Variants in CSMD2 observed in about 807,000 individuals in gnomAD.
CSMD2 encodes CUB and sushi domain-containing protein 2.
CSMD2 carries 130 observed loss-of-function variants against 398.5 expected under a neutral mutation model. That is an observed-to-expected ratio of 0.33 (90% CI 0.28 to 0.38). The LOEUF (loss-of-function observed/expected upper bound fraction) is 0.38. Ranked by LOEUF, CSMD2 falls within the 10% of genes least tolerant of loss-of-function variation. The pLI is 1.00. For missense variants in CSMD2, 3,829 were observed against 4,764.9 expected (o/e 0.80, Z 5.78); for synonymous variants, 1,828 against 1,908.5 (o/e 0.96, Z 1.10).
At chr1:33,577,196 A>C in intron 49 of CSMD2, 100 bp downstream of exon 49, 1 of 1,116,248 alleles carries the variant, frequency 9.0e-7, no homozygotes, top group Non-Finnish European at 1.3e-6. Flanking sequence ...ATAATTATCA[A>C]AGAGGAAACC....
chr1:33,810,448 G>A (rs1469133206), intron 10 of CSMD2, among the ~76,000 whole-genome samples: 1 of 152,166 alleles, frequency 6.6e-6, no homozygotes, highest in Admixed American at 6.5e-5. Context: ...ACCTCTGAGG[G>A]TGTAGGGAAT....
intron 3 of CSMD2, among the ~76,000 whole-genome samples, chr1:34,016,548 C>T (rs1648143324): frequency 6.6e-6 from 1 of 152,114 alleles, no homozygotes; most frequent in African/African-American, 2.4e-5. Flanking sequence ...GGCGATTCCT[C>T]AAGGATCTAG....
intron 43 of CSMD2, 119 bp downstream of exon 43, chr1:33,602,250 C>A: frequency 9.4e-7 from 1 of 1,060,482 alleles, no homozygotes; most frequent in Non-Finnish European, 1.4e-6. Context: ...AGGCTGACAG[C>A]CTTTAAAAAC....
At chr1:33,578,423 T>G (rs1638448639) in intron 48 of CSMD2, among the ~76,000 whole-genome samples, 2 of 151,646 alleles carry the variant, frequency 1.3e-5, no homozygotes, top group Admixed American at 1.3e-4. Context: ...ACTAACAATA[T>G]AAAAATTGGC....
Position 33,635,003 on chromosome 1 carries a change from G to C in CSMD2, c.5086+211C>G, listed in dbSNP as rs551939135. Reference sequence around the variant, plus strand: ...ACTCTGTCCCCTTGGTTCTGGCGGGGCTCACTTGTGCCCTTCTGCCCTCTT... The same window carrying C: ...ACTCTGTCCCCTTGGTTCTGGCGGGCCTCACTTGTGCCCTTCTGCCCTCTT... On this transcript the variant is annotated intron_variant, in intron 31 of 70. Coordinates refer to ENST00000373381, the MANE Select transcript of CSMD2 (RefSeq NM_001281956.2). The surrounding 1 kb of genome is among the most constrained non-coding windows in gnomAD (Gnocchi z 5.0). 2.0e-5 allele frequency among the ~76,000 whole-genome samples: 3 copies of C among 152,218 alleles called. No individual in the cohort carries two copies. The highest frequency in any genetic ancestry group is 7.2e-5 in the African/African-American group (3 of 41,540).
chr1:33,790,369 T>C (rs539339348), intron 11 of CSMD2, among the ~76,000 whole-genome samples: 2 of 152,282 alleles, frequency 1.3e-5, no homozygotes, highest in Admixed American at 1.3e-4. Flanking sequence ...ATCCAATCAG[T>C]TGAAGGGCCA....
intron 5 of CSMD2, among the ~76,000 whole-genome samples, chr1:33,895,223 A>G (rs1366434832): frequency 6.6e-6 from 1 of 152,234 alleles, no homozygotes; most frequent in Non-Finnish European, 1.5e-5. Context: ...ACCGAGGCTC[A>G]GAGAGGTTAA....
intron 5 of CSMD2, among the ~76,000 whole-genome samples, chr1:33,895,261 C>G (rs10753294): frequency 0.78 from 118,334 of 152,066 alleles, 46,349 homozygotes; most frequent in South Asian, 0.92. Flanking sequence ...CGGAGCAGAG[C>G]TTTGAATCCA....
At chr1:33,975,338 T>C (rs547827641) in intron 3 of CSMD2, among the ~76,000 whole-genome samples, 5 of 152,060 alleles carry the variant, frequency 3.3e-5, no homozygotes, top group Non-Finnish European at 7.3e-5. Context: ...GTCTCCTGGG[T>C]TAGAGTACAA....
intron 55 of CSMD2, among the ~76,000 whole-genome samples, chr1:33,556,918 C>G (rs1340561357): frequency 6.6e-6 from 1 of 152,146 alleles, no homozygotes; most frequent in Admixed American, 6.5e-5. Flanking sequence ...TGAGGCCTCC[C>G]CAGCCCTGTG....
chr1:34,086,124 C>T (rs1657857314), intron 2 of CSMD2, among the ~76,000 whole-genome samples: 1 of 152,172 alleles, frequency 6.6e-6, no homozygotes, highest in Admixed American at 6.5e-5. Context: ...TTAAATAACT[C>T]CAGCAGGCAG....
In CSMD2 at chr1:33,708,689, C is replaced by T. The variant is rs141393907; in HGVS notation, c.3576+400G>A. ...TGATCATGGCTCACTGTAACCTCAA[C>T]CTCCCTGGCTCAAGTGACCCTCCCA... is the stretch of plus-strand genomic sequence containing the variant. On this transcript the variant is annotated intron_variant, in intron 22 of 70. Coordinates refer to ENST00000373381, the MANE Select transcript of CSMD2 (RefSeq NM_001281956.2). Among the ~76,000 whole-genome samples, 369 of 151,832 alleles carry T rather than the reference C, an allele frequency of 2.4e-3. 1 individual carries two copies. Among genetic ancestry groups the T allele is most frequent in the African/African-American group, 8.2e-3 (340 of 41,386 alleles).
intron 13 of CSMD2, among the ~76,000 whole-genome samples, chr1:33,755,739 G>A (rs1648896835): frequency 6.6e-6 from 1 of 152,106 alleles, no homozygotes; most frequent in African/African-American, 2.4e-5. Context: ...TGAACTCCTG[G>A]GCTAAAAGTG....
chr1:33,871,688 C>T (rs140950237), intron 5 of CSMD2, among the ~76,000 whole-genome samples: 6 of 152,276 alleles, frequency 3.9e-5, no homozygotes, highest in African/African-American at 1.4e-4. Context: ...GTGATCTCGG[C>T]TCACTACAGC....
At chr1:34,117,287 T>A (rs1283376523) in intron 1 of CSMD2, among the ~76,000 whole-genome samples, 1 of 152,006 alleles carries the variant, frequency 6.6e-6, no homozygotes, top group Non-Finnish European at 1.5e-5. Context: ...CTACAATTGA[T>A]GACACATAAG....
rs113818952 is a variant in CSMD2 at position 33,663,269 on chromosome 1, C to T, written c.4053-177G>A. On this transcript the variant is annotated intron_variant, in intron 25 of 70. Coordinates refer to ENST00000373381, the MANE Select transcript of CSMD2 (RefSeq NM_001281956.2). Reference sequence around the variant, plus strand: ...TGGCAGCATCCTCATTTCACCAGGCCAGCTCCTCCCACTGGGGCCTCCAGC... The same window carrying T: ...TGGCAGCATCCTCATTTCACCAGGCTAGCTCCTCCCACTGGGGCCTCCAGC... Among the ~76,000 whole-genome samples the T allele has an allele frequency of 2.1e-4, 32 of 152,280 alleles. 1 individual carries two copies. Among genetic ancestry groups the T allele is most frequent in the African/African-American group, 7.2e-4 (30 of 41,558 alleles).
intron 5 of CSMD2, among the ~76,000 whole-genome samples, chr1:33,877,550 T>C (rs1267156512): frequency 6.6e-6 from 1 of 152,138 alleles, no homozygotes; most frequent in African/African-American, 2.4e-5. Flanking sequence ...TTTAGCTGCT[T>C]AGAGGATTCA....
chr1:33,869,031 G>GCTC (rs1640251693), intron 5 of CSMD2: 1 of 152,262 alleles, frequency 6.6e-6, no homozygotes, highest in East Asian at 1.9e-4. Flanking sequence ...GGGACAGAGG[G>GCTC]AGGCCGGAGC....
chr1:33,836,839 G>A (rs576309218), intron 6 of CSMD2, among the ~76,000 whole-genome samples: 4 of 152,252 alleles, frequency 2.6e-5, no homozygotes, highest in Admixed American at 6.5e-5. Flanking sequence ...GCCCTGCTTC[G>A]GCTCAGGCTC....
Sources: gnomAD v4.1 joint callset for allele counts (sites outside exome capture counted in the v4.1 genomes callset) on GRCh38, gnomAD v4.1.1 for gene constraint, Gnocchi (gnomAD v3.1) non-coding constraint, MANE v1.5 for transcripts, NCBI Gene and HGNC (gene_info 2026-07-23, HGNC 2026-07-21) for gene names.